The following CTNNA2 variants were observed in gnomAD, a reference collection of about 807,000 sequenced individuals.
CTNNA2 encodes catenin alpha 2.
CTNNA2 carries 42 observed loss-of-function variants against 101.0 expected under a neutral mutation model. The ratio of observed to expected loss-of-function variants is 0.42; its 90% CI spans 0.32 to 0.54. CTNNA2 has a LOEUF of 0.54. Ranked by LOEUF, CTNNA2 falls within the 20% of genes least tolerant of loss-of-function variation. The pLI is 0.14. For synonymous variants in CTNNA2, 450 were observed against 456.4 expected (o/e 0.99, Z 0.18); for missense variants, 871 against 1,223.1 (o/e 0.71, Z 4.29).
At chr2:79,502,411 G>T (rs549400107) in intron 4 of CTNNA2, among the ~76,000 whole-genome samples, 1 of 152,206 alleles carries the variant, frequency 6.6e-6, no homozygotes, top group South Asian at 2.1e-4. Flanking sequence ...CTACAGCTTT[G>T]GGATACAAAA....
chr2:79,650,489 T>C (rs908842080), intron 1 of CTNNA2, among the ~76,000 whole-genome samples: 2 of 152,056 alleles, frequency 1.3e-5, no homozygotes, highest in African/African-American at 4.8e-5. Context: ...AAGTAGCCTT[T>C]TGTTATAAAG....
At chr2:79,844,892 G>GGA (rs1463749353) in intron 3 of CTNNA2, among the ~76,000 whole-genome samples, 1 of 151,678 alleles carries the variant, frequency 6.6e-6, no homozygotes, top group Non-Finnish European at 1.5e-5. Flanking sequence ...TGTGGGCTGG[G>GGA]GAGTGGGCTG....
intron 6 of CTNNA2, among the ~76,000 whole-genome samples, chr2:79,908,269 T>G (rs1685557152): frequency 6.6e-6 from 1 of 152,206 alleles, no homozygotes; most frequent in South Asian, 2.1e-4. Context: ...CGTATTGTAT[T>G]TGTAAATATG....
chr2:79,902,316 G>A (rs968981659), intron 6 of CTNNA2, among the ~76,000 whole-genome samples: 2 of 152,124 alleles, frequency 1.3e-5, no homozygotes, highest in East Asian at 1.9e-4. Context: ...TTTGCCCTGA[G>A]GTCATGCCTG....
intron 4 of CTNNA2, among the ~76,000 whole-genome samples, chr2:79,388,833 A>G (rs1363408296): frequency 6.6e-6 from 1 of 151,740 alleles, no homozygotes; most frequent in African/African-American, 2.4e-5. Flanking sequence ...CCATCTTAAC[A>G]TAAACACTTT....
chr2:80,293,992 T>G (rs1165775339), intron 7 of CTNNA2, among the ~76,000 whole-genome samples: 3 of 152,104 alleles, frequency 2.0e-5, no homozygotes, highest in East Asian at 1.9e-4. Context: ...TGTAGGAGCC[T>G]GTGTGCAATG....
chr2:79,840,205 G>T (rs1184595841), intron 3 of CTNNA2, among the ~76,000 whole-genome samples: 1 of 152,128 alleles, frequency 6.6e-6, no homozygotes, highest in Non-Finnish European at 1.5e-5. Context: ...TTTACCATTT[G>T]TCTTTGCCAC....
chr2:79,839,116 G>A (rs1395132995), intron 3 of CTNNA2, among the ~76,000 whole-genome samples: 3 of 151,880 alleles, frequency 2.0e-5, no homozygotes, highest in Non-Finnish European at 4.4e-5. Context: ...TTTAATCATG[G>A]CGTTTGGCAG....
At chr2:79,446,738 G>A (rs1678837423) in intron 4 of CTNNA2, among the ~76,000 whole-genome samples, 1 of 152,132 alleles carries the variant, frequency 6.6e-6, no homozygotes, top group East Asian at 1.9e-4. Context: ...GTGTCACCTG[G>A]ATAGCAATCC....
chr2:79,951,391 G>C (rs1253310155), intron 7 of CTNNA2, among the ~76,000 whole-genome samples: 1 of 152,140 alleles, frequency 6.6e-6, no homozygotes, highest in African/African-American at 2.4e-5. Context: ...ACATTGCCAG[G>C]AGTGGTGACT....
intron 3 of CTNNA2, among the ~76,000 whole-genome samples, chr2:79,790,307 G>C (rs1056503253): frequency 6.6e-6 from 1 of 152,178 alleles, no homozygotes; most frequent in Admixed American, 6.5e-5. Flanking sequence ...AAGGGGAAAG[G>C]CACTAGAGAG....
At chr2:79,985,928 G>A (rs1337573901) in intron 7 of CTNNA2, among the ~76,000 whole-genome samples, 1 of 152,098 alleles carries the variant, frequency 6.6e-6, no homozygotes, top group Admixed American at 6.6e-5. Flanking sequence ...TTCCCTCTAG[G>A]GGACCACTTG....
intron 7 of CTNNA2, among the ~76,000 whole-genome samples, chr2:80,350,812 A>G (rs1440318722): frequency 6.6e-6 from 1 of 152,150 alleles, no homozygotes; most frequent in Non-Finnish European, 1.5e-5. Flanking sequence ...GGAATTTGAG[A>G]TCCTCTGTTA....
chr2:80,096,188 A>T (rs901099834), intron 7 of CTNNA2, among the ~76,000 whole-genome samples: 1 of 152,016 alleles, frequency 6.6e-6, no homozygotes, highest in South Asian at 2.1e-4. Flanking sequence ...TGTCCCAGAG[A>T]TTCTGGTATG....
intron 7 of CTNNA2, among the ~76,000 whole-genome samples, chr2:79,955,041 A>G (rs1056456101): frequency 6.6e-6 from 1 of 152,190 alleles, no homozygotes; most frequent in Non-Finnish European, 1.5e-5. Flanking sequence ...AATTTCTTGG[A>G]CATCATTTCA....
intron 7 of CTNNA2, among the ~76,000 whole-genome samples, chr2:80,145,192 A>G (rs560531024): frequency 1.9e-3 from 284 of 152,310 alleles, no homozygotes; most frequent in Admixed American, 5.1e-3. Flanking sequence ...AATGATCTAT[A>G]TAAAATCCAC....
chr2:79,448,090 T>C (rs982651194), intron 4 of CTNNA2, among the ~76,000 whole-genome samples: 3 of 152,086 alleles, frequency 2.0e-5, no homozygotes, highest in African/African-American at 7.2e-5. Flanking sequence ...ATAGACAGTA[T>C]AAATTATGTT....
intron 1 of CTNNA2, among the ~76,000 whole-genome samples, chr2:79,590,584 G>C (rs1172768474): frequency 1.3e-5 from 2 of 151,980 alleles, no homozygotes; most frequent in Non-Finnish European, 2.9e-5. Flanking sequence ...AGTACATATA[G>C]TCATATTTTA....
chr2:80,089,598 A>C (rs868625495), intron 7 of CTNNA2, among the ~76,000 whole-genome samples: 32 of 152,036 alleles, frequency 2.1e-4, no homozygotes, highest in African/African-American at 7.7e-4. Context: ...AATGCAAAAA[A>C]AATTAGTAAA....
Sources: gnomAD v4.1 joint callset for allele counts (sites outside exome capture counted in the v4.1 genomes callset) on GRCh38, gnomAD v4.1.1 for gene constraint, MANE v1.5 for transcripts, NCBI Gene and HGNC (gene_info 2026-07-23, HGNC 2026-07-21) for gene names.